Variants in MACO1 observed in about 807,000 individuals in gnomAD.
MACO1 encodes the protein macoilin 1.
Under a neutral mutation model 78.7 loss-of-function variants are expected in MACO1, and 14 were observed. The ratio of observed to expected loss-of-function variants is 0.18; its 90% confidence interval spans 0.12 to 0.28. The LOEUF (loss-of-function observed/expected upper bound fraction) is 0.28. MACO1 is among the 10% of genes least tolerant of loss of function. MACO1 has a pLI of 1.00. For missense variants in MACO1, 501 were observed against 799.0 expected (o/e 0.63, Z 4.50); for synonymous variants, 288 against 291.6 (o/e 0.99, Z 0.12).
intron 1 of MACO1, among the ~76,000 whole-genome samples, chr1:25,440,230 CAA>C (rs35841483): frequency 1.6e-3 from 154 of 95,832 alleles, no homozygotes; most frequent in East Asian, 5.1e-3. Context: ...CCCATCTCTA[CAA>C]AAAAAAAAAA....
At chr1:25,466,890 C>A (rs1447132546) in intron 6 of MACO1, among the ~76,000 whole-genome samples, 1 of 152,002 alleles carries the variant, frequency 6.6e-6, no homozygotes, top group African/African-American at 2.4e-5. Context: ...ATATAAAAAT[C>A]ATTTTCTCAA....
intron 3 of MACO1, among the ~76,000 whole-genome samples, chr1:25,453,917 A>G (rs1296533701): frequency 1.3e-5 from 2 of 151,958 alleles, no homozygotes; most frequent in East Asian, 1.9e-4. Flanking sequence ...ATCTTTTTCT[A>G]TGTTTTTTAG....
intron 6 of MACO1, among the ~76,000 whole-genome samples, chr1:25,472,838 G>A (rs544499308): frequency 8.5e-5 from 13 of 152,202 alleles, no homozygotes; most frequent in African/African-American, 2.9e-4. Context: ...CTTCTGTGAG[G>A]CATAAAATAA....
intron 1 of MACO1, among the ~76,000 whole-genome samples, chr1:25,440,117 G>A (rs2042956498): frequency 6.6e-6 from 1 of 151,650 alleles, no homozygotes; most frequent in South Asian, 2.1e-4. Flanking sequence ...GCTGGATGTG[G>A]TGGCTCATGC....
chr1:25,485,695 G>T lies in MACO1; in HGVS notation c.1396G>T (p.Ala466Ser). Reference sequence around the variant, plus strand: ...GAAAAAGCTAAAAGCTGAGCAGGAAGCCCGAAGTTTTGTAGAGAAACAGTT... The same window carrying T: ...GAAAAAGCTAAAAGCTGAGCAGGAATCCCGAAGTTTTGTAGAGAAACAGTT... ...LEKKLKAEQEARSFVEKQLME... is the reference protein window; with the variant it reads ...LEKKLKAEQESRSFVEKQLME... The change falls in exon 8 of 11, where the codon GCC becomes TCC. Residue 466 changes from alanine (A) to serine (S), a missense_variant. Ala to Ser is a moderately conservative substitution (Grantham distance 99). This residue lies in a region of MACO1 where 163 missense variants were observed against 271.9 expected (regional missense o/e 0.60). Coordinates refer to ENST00000374343, the MANE Select transcript of MACO1 (RefSeq NM_018202.6). This position sits in a 1 kb window ranked among gnomAD's most constrained non-coding sequence, Gnocchi z 4.3. 1 of 1,614,152 alleles carries T rather than the reference G, an allele frequency of 6.2e-7. No individual in the cohort carries two copies. The highest frequency in any genetic ancestry group is 8.5e-7 in the Non-Finnish European group (1 of 1,180,028).
chr1:25,480,317 G>C (rs1323518211), intron 6 of MACO1, among the ~76,000 whole-genome samples: 1 of 152,220 alleles, frequency 6.6e-6, no homozygotes, highest in Non-Finnish European at 1.5e-5. Context: ...GAATGCTGGT[G>C]TTAACTCTCA....
At chr1:25,472,094 T>C (rs990467383) in intron 6 of MACO1, among the ~76,000 whole-genome samples, 9 of 152,156 alleles carry the variant, frequency 5.9e-5, no homozygotes, top group African/African-American at 1.7e-4. Flanking sequence ...CCTTGTCTTA[T>C]TCATCTTTTC....
intron 4 of MACO1, among the ~76,000 whole-genome samples, chr1:25,455,608 G>C (rs565484797): frequency 6.6e-6 from 1 of 152,244 alleles, no homozygotes; most frequent in African/African-American, 2.4e-5. Context: ...AATGATGTTA[G>C]GCAGGCTGGT....
At chr1:25,441,705 C>G (rs1407643232) in intron 1 of MACO1, among the ~76,000 whole-genome samples, 1 of 152,262 alleles carries the variant, frequency 6.6e-6, no homozygotes, top group African/African-American at 2.4e-5. Context: ...GGGTCCTAGT[C>G]TTTACTTTGG....
At chr1:25,474,951 C>A (rs150183526) in intron 6 of MACO1, among the ~76,000 whole-genome samples, 16 of 152,258 alleles carry the variant, frequency 1.1e-4, no homozygotes, top group African/African-American at 3.9e-4. Flanking sequence ...GAGAGCAGGA[C>A]AAACAGGACA....
At position 25,448,820 on chromosome 1, in the gene MACO1, T is replaced by C. The variant is rs772652286; in HGVS notation, c.235T>C (p.Phe79Leu). Reference sequence around the variant, plus strand: ...TTTTTCCCTTTAGGCCTTCTCAGTATTTTTTGTTTGTGTAGCATTCACGTC... The same window carrying C: ...TTTTTCCCTTTAGGCCTTCTCAGTACTTTTTGTTTGTGTAGCATTCACGTC... ...FRYQGLAFSVFFVCVAFTSNI... is the reference protein window; with the variant it reads ...FRYQGLAFSVLFVCVAFTSNI... Residue 79 changes from phenylalanine (F) to leucine (L), a missense_variant, in exon 3 of 11, where the codon TTT becomes CTT. Physicochemically the swap from Phe to Leu is conservative, Grantham distance 22 (BLOSUM62 0). This residue lies in a region of MACO1 where 171 missense variants were observed against 292.1 expected (regional missense o/e 0.59). Transcript: ENST00000374343. The C allele has an allele frequency of 6.5e-7, 1 of 1,547,856 alleles. No individual in the cohort carries two copies. Among genetic ancestry groups the C allele is most frequent in the South Asian group, 1.2e-5 (1 of 80,046 alleles).
intron 1 of MACO1, among the ~76,000 whole-genome samples, chr1:25,435,735 G>A (rs1396749893): frequency 6.6e-6 from 1 of 152,202 alleles, no homozygotes; most frequent in Non-Finnish European, 1.5e-5. Flanking sequence ...GACCTGGCAC[G>A]AAAGTGATAG....
At chr1:25,475,299 C>T (rs1195836113) in intron 6 of MACO1, among the ~76,000 whole-genome samples, 2 of 152,052 alleles carry the variant, frequency 1.3e-5, no homozygotes, top group East Asian at 1.9e-4. Context: ...GAGCCAAGAT[C>T]GTGCCACTGT....
chr1:25,463,912 C>A (rs1204396022), intron 6 of MACO1, among the ~76,000 whole-genome samples: 1 of 152,126 alleles, frequency 6.6e-6, no homozygotes, highest in Non-Finnish European at 1.5e-5. Context: ...TTCTCATATA[C>A]CTGCTGTCCC....
chr1:25,469,921 C>T lies in MACO1; in HGVS notation c.1154+11029C>T, dbSNP rs539180698. ...GATTACAGGCATGAGCCACCGCGCCCGGCCAACCTCTGACTTTTATAAGAC... is the reference window on the plus strand; with the variant it reads ...GATTACAGGCATGAGCCACCGCGCCTGGCCAACCTCTGACTTTTATAAGAC... On this transcript the variant is annotated intron_variant, in intron 6 of 10. Coordinates refer to ENST00000374343, the MANE Select transcript of MACO1 (RefSeq NM_018202.6). Among the ~76,000 whole-genome samples the T allele has an allele frequency of 3.7e-3, 557 of 152,180 alleles. 4 individuals are homozygous for T. Among genetic ancestry groups the T allele is most frequent in the South Asian group, 0.024 (114 of 4,816 alleles).
At chr1:25,440,379 G>A (rs2042959737) in intron 1 of MACO1, among the ~76,000 whole-genome samples, 1 of 147,188 alleles carries the variant, frequency 6.8e-6, no homozygotes, top group Non-Finnish European at 1.5e-5. Context: ...TTCAGCCTGG[G>A]CAACAAAGGA....
At chr1:25,433,923 C>G (rs1421014925) in intron 1 of MACO1, among the ~76,000 whole-genome samples, 1 of 152,200 alleles carries the variant, frequency 6.6e-6, no homozygotes, top group Non-Finnish European at 1.5e-5. Context: ...TTTGGTGCAA[C>G]TGTAAACAAA....
At chr1:25,434,759 T>C (rs756563142) in intron 1 of MACO1, among the ~76,000 whole-genome samples, 19 of 152,354 alleles carry the variant, frequency 1.2e-4, no homozygotes, top group Admixed American at 2.0e-4. Context: ...CTAACTCTTA[T>C]ATTTCTAAGG....
chr1:25,438,631 C>T (rs1057424095), intron 1 of MACO1, among the ~76,000 whole-genome samples: 11 of 152,126 alleles, frequency 7.2e-5, no homozygotes, highest in Non-Finnish European at 1.5e-4. Flanking sequence ...GACTGGGCCC[C>T]GTGGCTCACG....
Sources: gnomAD v4.1 joint callset for allele counts (sites outside exome capture counted in the v4.1 genomes callset) on GRCh38, gnomAD v4.1.1 for gene constraint, gnomAD v4.1.1 regional missense constraint, Gnocchi (gnomAD v3.1) non-coding constraint, MANE v1.5 for transcripts, NCBI Gene and HGNC (gene_info 2026-07-23, HGNC 2026-07-21) for gene names.